Variants in GLMN observed in about 807,000 individuals in gnomAD.
GLMN encodes glomulin, FKBP associated protein, also known as glomulin.
Under a neutral mutation model 87.8 loss-of-function variants are expected in GLMN, and 75 were observed. That is an observed-to-expected ratio of 0.85 (90% CI 0.71 to 1.04). The LOEUF (loss-of-function observed/expected upper bound fraction) is 1.04. GLMN is among the 50% of genes least tolerant of loss of function. The pLI is 0.00. For synonymous variants in GLMN, 206 were observed against 221.6 expected (o/e 0.93, Z 0.63); for missense variants, 588 against 658.8 (o/e 0.89, Z 1.18).
the GLMN span, among the ~76,000 whole-genome samples, chr1:92,361,159 G>C: frequency 6.7e-6 from 1 of 148,962 alleles, no homozygotes; most frequent in African/African-American, 2.5e-5. Flanking sequence ...ACACACACAC[G>C]TAAGTTTCTA....
At chr1:92,256,757 AAAT>A (rs759775835) in intron 16 of GLMN, among the ~76,000 whole-genome samples, 1 of 152,192 alleles carries the variant, frequency 6.6e-6, no homozygotes, top group Non-Finnish European at 1.5e-5. Context: ...ACGTATCTCA[AAAT>A]AATAAGAGCT....
chr1:92,323,843 G>A, the GLMN span: 3 of 1,613,962 alleles, frequency 1.9e-6, no homozygotes, highest in Non-Finnish European at 1.7e-6. Context: ...TTGCCTGAAA[G>A]ATTAAAAGCG....
At chr1:92,283,158 G>C (rs1459525750) in intron 7 of GLMN, among the ~76,000 whole-genome samples, 1 of 152,100 alleles carries the variant, frequency 6.6e-6, no homozygotes, top group East Asian at 1.9e-4. Context: ...ACCAAAGCCT[G>C]GCAGAGACAC....
At chr1:92,272,977 A>G (rs1276515177) in intron 7 of GLMN, among the ~76,000 whole-genome samples, 1 of 152,228 alleles carries the variant, frequency 6.6e-6, no homozygotes, top group African/African-American at 2.4e-5. Context: ...CTCCACAAAA[A>G]AAGCGTAAGA....
chr1:92,357,094 T>TACACACACAC, the GLMN span, among the ~76,000 whole-genome samples: 80 of 144,844 alleles, frequency 5.5e-4, 1 homozygote, highest in African/African-American at 2.0e-3. Flanking sequence ...AAGGATTACA[T>TACACACACAC]ACACACACAC....
chr1:92,246,697 C>A, intron 18 of GLMN, 51 bp from the exon 19 acceptor site: 1 of 916,150 alleles, frequency 1.1e-6, no homozygotes, highest in Non-Finnish European at 1.8e-6. Flanking sequence ...TAAAGCAAAA[C>A]AAAGCAAAAC....
intron 14 of GLMN, among the ~76,000 whole-genome samples, chr1:92,264,325 A>G (rs1054272487): frequency 1.3e-5 from 2 of 152,182 alleles, no homozygotes; most frequent in Admixed American, 1.3e-4. Context: ...AAAAAAACAA[A>G]AACAAAAACC....
chr1:92,269,655 C>T (rs1462930253), intron 9 of GLMN, 68 bp downstream of exon 9: 15 of 1,023,468 alleles, frequency 1.5e-5, no homozygotes, highest in South Asian at 6.3e-5. Context: ...AGGCAGTCTC[C>T]GCTGATCTTA....
the GLMN span, chr1:92,323,602 C>T: frequency 1.2e-6 from 2 of 1,614,024 alleles, no homozygotes; most frequent in African/African-American, 2.7e-5. Flanking sequence ...TTCCTCCATT[C>T]TACCAGGAAA....
At chr1:92,346,085 T>C in the GLMN span, among the ~76,000 whole-genome samples, 2 of 152,242 alleles carry the variant, frequency 1.3e-5, no homozygotes, top group East Asian at 1.9e-4. Flanking sequence ...TAAAGTGATA[T>C]GTAATTATTC....
At chr1:92,327,548 T>A in the GLMN span, among the ~76,000 whole-genome samples, 2 of 152,244 alleles carry the variant, frequency 1.3e-5, no homozygotes, top group Non-Finnish European at 2.9e-5. Context: ...ATGTGAATCC[T>A]TATGTGTCAG....
At chr1:92,265,550 T>C (rs187228522) in intron 13 of GLMN, among the ~76,000 whole-genome samples, 2 of 151,736 alleles carry the variant, frequency 1.3e-5, no homozygotes, top group East Asian at 3.9e-4. Flanking sequence ...CTGAGGTGGG[T>C]GAATCGCTTG....
chr1:92,304,490 T>C, the GLMN span: 1 of 502,736 alleles, frequency 2.0e-6, no homozygotes, highest in Non-Finnish European at 3.4e-6. Flanking sequence ...TAGAAAATAG[T>C]GATGTTAAAA....
At chr1:92,346,314 C>T in the GLMN span, among the ~76,000 whole-genome samples, 1 of 152,108 alleles carries the variant, frequency 6.6e-6, no homozygotes, top group South Asian at 2.1e-4. Flanking sequence ...TAGTCACACA[C>T]CACCATGCCT....
intron 16 of GLMN, among the ~76,000 whole-genome samples, chr1:92,253,279 A>C (rs1261596942): frequency 6.6e-6 from 1 of 152,190 alleles, no homozygotes; most frequent in East Asian, 1.9e-4. Context: ...TCAGGGGCTT[A>C]TAGATAAAAC....
intron 13 of GLMN, 49 bp downstream of exon 13, chr1:92,266,370 G>T: frequency 1.1e-6 from 1 of 943,924 alleles, no homozygotes; most frequent in South Asian, 1.3e-5. Flanking sequence ...GCATTAACAT[G>T]ACTTTTAATC....
the GLMN span, among the ~76,000 whole-genome samples, chr1:92,315,061 A>T: frequency 6.6e-6 from 1 of 152,162 alleles, no homozygotes; most frequent in Non-Finnish European, 1.5e-5. Context: ...TAAATAAATA[A>T]ATAGAAATTA....
chr1:92,339,320 GC>G, the GLMN span, among the ~76,000 whole-genome samples: 1 of 71,172 alleles, frequency 1.4e-5, no homozygotes. Context: ...CCCCACCCCC[GC>G]CCCCACAACC....
the GLMN span, among the ~76,000 whole-genome samples, chr1:92,330,815 C>T: frequency 6.6e-6 from 1 of 152,144 alleles, no homozygotes; most frequent in African/African-American, 2.4e-5. Context: ...CAAAGATAGA[C>T]TAATACAGTG....
Sources: allele counts gnomAD v4.1 joint callset (sites outside exome capture counted in the v4.1 genomes callset), GRCh38; gene constraint gnomAD v4.1.1; transcripts MANE v1.5; gene names NCBI Gene and HGNC (gene_info 2026-07-23, HGNC 2026-07-21).